The following KHDRBS2 variants were observed in gnomAD, a reference collection of about 807,000 sequenced individuals.
KHDRBS2 encodes the protein KH RNA binding domain containing, signal transduction associated 2.
In KHDRBS2, 26 loss-of-function variants were observed where a neutral mutation model predicts 44.3. That is an observed-to-expected ratio of 0.59 (90% confidence interval 0.43 to 0.81). The LOEUF is 0.81. KHDRBS2 is among the 40% of genes least tolerant of loss of function. The pLI is 0.00. For synonymous variants in KHDRBS2, 194 were observed against 151.1 expected (o/e 1.28, Z -2.08); for missense variants, 476 against 433.1 (o/e 1.10, Z -0.88).
intron 7 of KHDRBS2, among the ~76,000 whole-genome samples, chr6:61,714,942 G>A (rs759014798): frequency 4.0e-5 from 6 of 151,688 alleles, no homozygotes; most frequent in Non-Finnish European, 7.4e-5. Context: ...TTACTTAATA[G>A]GTCCAATGTA....
At chr6:62,136,390 T>C (rs1365782451) in intron 2 of KHDRBS2, among the ~76,000 whole-genome samples, 1 of 152,190 alleles carries the variant, frequency 6.6e-6, no homozygotes, top group African/African-American at 2.4e-5. Context: ...CACGAGGCAG[T>C]TTCACTAATT....
chr6:61,625,564 T>G, the KHDRBS2 span, among the ~76,000 whole-genome samples: 4 of 152,032 alleles, frequency 2.6e-5, no homozygotes, highest in African/African-American at 9.7e-5. Flanking sequence ...GCAGAGCGAC[T>G]AGGGCCAGGC....
At chr6:61,708,584 A>G (rs1022434071) in intron 7 of KHDRBS2, among the ~76,000 whole-genome samples, 1 of 151,634 alleles carries the variant, frequency 6.6e-6, no homozygotes, top group Non-Finnish European at 1.5e-5. Flanking sequence ...AATGCATTCA[A>G]TGAATAATGT....
rs1766710519 is a variant in KHDRBS2 at position 61,955,448 on chromosome 6, GTGTATATATACA to G, written c.483+22606_483+22617del. 2.1e-4 allele frequency among the ~76,000 whole-genome samples: 13 copies of G among 61,392 alleles called. 1 individual carries two copies. The highest frequency in any genetic ancestry group is 5.2e-4 in the African/African-American group (10 of 19,164). The allele number at this position is 61,392 out of a possible 152,430, so 40.3% of individuals were successfully genotyped here. On this transcript the variant is annotated intron_variant, in intron 4 of 8. Transcript: ENST00000281156. ...CATACGTATGTGTATGTATACATATGTGTATATATACATATGTGTATATATACACATATGTAT... is the reference window on the plus strand; with the variant it reads ...CATACGTATGTGTATGTATACATATGTATGTGTATATATACACATATGTAT...
the KHDRBS2 span, among the ~76,000 whole-genome samples, chr6:61,624,324 C>A: frequency 6.6e-6 from 1 of 152,162 alleles, no homozygotes; most frequent in African/African-American, 2.4e-5. Context: ...AAGGCTTATC[C>A]AGCTATTGGC....
At chr6:62,072,255 G>T (rs1355450260) in intron 2 of KHDRBS2, among the ~76,000 whole-genome samples, 1 of 152,136 alleles carries the variant, frequency 6.6e-6, no homozygotes, top group Non-Finnish European at 1.5e-5. Context: ...AGACGATGGG[G>T]TTTTCTAGAT....
intron 8 of KHDRBS2, among the ~76,000 whole-genome samples, chr6:61,685,406 G>A (rs1158805515): frequency 6.6e-6 from 1 of 151,672 alleles, no homozygotes; most frequent in Non-Finnish European, 1.5e-5. Flanking sequence ...TAAATAAATG[G>A]TGCTACTAAA....
chr6:62,005,320 C>A (rs1779012786), intron 3 of KHDRBS2, among the ~76,000 whole-genome samples: 1 of 151,832 alleles, frequency 6.6e-6, no homozygotes, highest in African/African-American at 2.4e-5. Context: ...TTATTATTAA[C>A]CTTGTTATTT....
the KHDRBS2 span, among the ~76,000 whole-genome samples, chr6:61,630,002 A>G: frequency 6.6e-6 from 1 of 152,278 alleles, no homozygotes; most frequent in Admixed American, 6.5e-5. Flanking sequence ...AACCATTTAC[A>G]GGTTTGTGGG....
chr6:61,790,190 A>G (rs559312689), intron 6 of KHDRBS2, among the ~76,000 whole-genome samples: 1 of 151,368 alleles, frequency 6.6e-6, no homozygotes, highest in Non-Finnish European at 1.5e-5. Flanking sequence ...TAAAATACAA[A>G]TCTGTGTAAA....
intron 8 of KHDRBS2, among the ~76,000 whole-genome samples, chr6:61,688,406 G>C (rs528315254): frequency 6.6e-6 from 1 of 151,858 alleles, no homozygotes; most frequent in Non-Finnish European, 1.5e-5. Flanking sequence ...TTCAGCTAGA[G>C]GCTTTTTGAA....
chr6:61,561,810 A>G, the KHDRBS2 span, among the ~76,000 whole-genome samples: 1 of 152,094 alleles, frequency 6.6e-6, no homozygotes, highest in African/African-American at 2.4e-5. Flanking sequence ...CAGTCTACCA[A>G]TCCACAATTT....
chr6:61,805,781 C>G (rs148671435), intron 6 of KHDRBS2, among the ~76,000 whole-genome samples: 1 of 152,150 alleles, frequency 6.6e-6, no homozygotes, highest in African/African-American at 2.4e-5. Flanking sequence ...TGGGAACAAC[C>G]TCTATGATCT....
chr6:62,086,874 C>G (rs1418698704), intron 2 of KHDRBS2, among the ~76,000 whole-genome samples: 1 of 151,406 alleles, frequency 6.6e-6, no homozygotes, highest in Admixed American at 6.6e-5. Context: ...AGGCAGGGAT[C>G]CATTTCATCA....
At chr6:61,610,509 G>A in the KHDRBS2 span, among the ~76,000 whole-genome samples, 3 of 152,124 alleles carry the variant, frequency 2.0e-5, no homozygotes, top group Non-Finnish European at 4.4e-5. Context: ...CAATGGCTGA[G>A]GCTGTAGTCA....
intron 3 of KHDRBS2, among the ~76,000 whole-genome samples, chr6:61,982,298 G>A (rs1278430975): frequency 6.6e-6 from 1 of 151,988 alleles, no homozygotes; most frequent in African/African-American, 2.4e-5. Flanking sequence ...TTTACAAAAC[G>A]GGATTCCCTC....
intron 4 of KHDRBS2, among the ~76,000 whole-genome samples, chr6:61,972,921 G>A (rs1044769376): frequency 3.9e-5 from 6 of 152,110 alleles, no homozygotes; most frequent in African/African-American, 1.2e-4. Context: ...TGAGGCTGGT[G>A]GGTCATCTGA....
intron 6 of KHDRBS2, among the ~76,000 whole-genome samples, chr6:61,825,851 C>A (rs186092004): frequency 4.6e-5 from 7 of 152,154 alleles, no homozygotes; most frequent in African/African-American, 9.6e-5. Context: ...TAGTTCACAT[C>A]ACTGTATGAG....
At chr6:61,555,922 C>T in the KHDRBS2 span, among the ~76,000 whole-genome samples, 8 of 152,278 alleles carry the variant, frequency 5.3e-5, no homozygotes, top group East Asian at 1.9e-4. Context: ...CTGGATCACT[C>T]GCCACAACAC....
Sources: allele counts gnomAD v4.1 joint callset (sites outside exome capture counted in the v4.1 genomes callset), GRCh38; gene constraint gnomAD v4.1.1; transcripts MANE v1.5; gene names NCBI Gene and HGNC (gene_info 2026-07-23, HGNC 2026-07-21).